The following GABRA1 variants were observed in gnomAD, a reference collection of about 807,000 sequenced individuals.
The protein encoded by GABRA1 is gamma-aminobutyric acid type A receptor subunit alpha1.
Under a neutral mutation model 48.9 loss-of-function variants are expected in GABRA1, and 9 were observed. The observed-to-expected ratio is 0.18, with a 90% CI of 0.11 to 0.32. The LOEUF is 0.32. Ranked by LOEUF, GABRA1 falls within the 10% of genes least tolerant of loss-of-function variation. The probability of loss-of-function intolerance (pLI) is 1.00; values close to 1 mark genes in which losing one functional copy is unlikely to be tolerated. For synonymous variants in GABRA1, 210 were observed against 198.7 expected, an observed-to-expected ratio of 1.06 and a Z score of -0.48; for missense variants, 285 against 553.8, an observed-to-expected ratio of 0.51 and a Z score of 4.87.
chr5:161,848,666 C>T (rs1757313250), intron 1 of GABRA1: 1 of 254,814 alleles, frequency 3.9e-6, no homozygotes, highest in Admixed American at 5.2e-5. Context: ...AATATAAGAG[C>T]ATTATTATTA....
At chr5:161,860,630 AAG>A (rs141908401) in intron 3 of GABRA1, among the ~76,000 whole-genome samples, 8,410 of 151,950 alleles carry the variant, frequency 0.055, 302 homozygotes, top group South Asian at 0.12. Flanking sequence ...AAATAACTAA[AAG>A]AGTATAATTG....
At chr5:161,893,001 T>C (rs1202392659) in intron 8 of GABRA1, among the ~76,000 whole-genome samples, 1 of 77,662 alleles carries the variant, frequency 1.3e-5, no homozygotes, top group Non-Finnish European at 2.6e-5. Flanking sequence ...CGAGACTCCT[T>C]CTCAAAAAAA....
At chr5:161,858,775 C>T (rs1757745585) in intron 3 of GABRA1, among the ~76,000 whole-genome samples, 1 of 151,746 alleles carries the variant, frequency 6.6e-6, no homozygotes, top group African/African-American at 2.4e-5. Flanking sequence ...AAGACCTTTT[C>T]ATCCTCTCTC....
At chr5:161,892,046 C>G (rs534809474) in intron 8 of GABRA1, among the ~76,000 whole-genome samples, 79 of 152,272 alleles carry the variant, frequency 5.2e-4, no homozygotes, top group African/African-American at 1.8e-3. Flanking sequence ...GGAGCCAGGA[C>G]GAAGACCCTA....
At chr5:161,877,816 G>T (rs967297530) in intron 6 of GABRA1, among the ~76,000 whole-genome samples, 68 of 152,088 alleles carry the variant, frequency 4.5e-4, no homozygotes, top group African/African-American at 8.9e-4. Context: ...CCACCTCAGA[G>T]CCATATGCTC....
Position 161,854,235 on chromosome 5 carries a change from A to G in GABRA1, c.152A>G (p.Asp51Gly), listed in dbSNP as rs745932197. ...VFTRILDRLL[D>G]GYDNRLRPGL... ...ACCAGGATTTTGGACAGACTCCTAG[A>G]TGGTTATGACAATCGCCTGAGACCA... Residue 51 changes from aspartate (D) to glycine (G), a missense_variant, in exon 3 of 10, where the codon GAT (aspartate) becomes GGT (glycine). Asp to Gly is a moderately conservative substitution (Grantham distance 94). Transcript: ENST00000393943. The G allele has an allele frequency of 6.2e-7, 1 of 1,606,438 alleles. No individual in the cohort carries two copies. The highest frequency in any genetic ancestry group is 8.5e-7 in the Non-Finnish European group (1 of 1,173,258).
chr5:161,851,905 T>C (rs1757460317), intron 2 of GABRA1, among the ~76,000 whole-genome samples: 1 of 152,134 alleles, frequency 6.6e-6, no homozygotes, highest in African/African-American at 2.4e-5. Flanking sequence ...TAGATGGAGT[T>C]AGTGCACAGT....
chr5:161,897,495 C>A lies in GABRA1; in HGVS notation c.*73C>A. 7.5e-7 allele frequency: 1 copy of A among 1,336,406 alleles called. No homozygotes were observed. Among genetic ancestry groups the A allele is most frequent in the Non-Finnish European group, 1.1e-6 (1 of 933,864 alleles). 82.8% of individuals were successfully genotyped at this position (1,336,406 alleles called of 1,614,324 possible). A position where few individuals can be genotyped will look rare whatever the true frequency, so the allele number is the denominator to read the frequency against. On this transcript the variant is annotated 3_prime_UTR_variant, in exon 10 of 10. Coordinates refer to ENST00000393943, the MANE Select transcript of GABRA1 (RefSeq NM_001127644.2). ...TTTATGTTCTCAACGCAGTAATTCCCATCTGCTTTATTGCCTCTGTCTTAA... is the reference window on the plus strand; with the variant it reads ...TTTATGTTCTCAACGCAGTAATTCCAATCTGCTTTATTGCCTCTGTCTTAA...
intron 3 of GABRA1, among the ~76,000 whole-genome samples, chr5:161,855,734 T>C (rs1046773477): frequency 2.0e-5 from 3 of 151,390 alleles, no homozygotes; most frequent in African/African-American, 7.3e-5. Context: ...AGGCTAGTGA[T>C]ATAAATTTTA....
rs1473605838 is a variant in GABRA1 at position 161,897,250 on chromosome 5, T to C, written c.1199T>C (p.Val400Ala). The C allele has an allele frequency of 1.2e-6, 2 of 1,613,770 alleles. No individual in the cohort carries two copies. Among genetic ancestry groups the C allele is most frequent in the Admixed American group, 3.3e-5 (2 of 59,968 alleles). The change falls in exon 10 of 10, where the codon GTC becomes GCC. Residue 400 changes from valine to alanine, a missense_variant. Around this residue, in one of 6 missense-constraint regions of GABRA1, gnomAD observed 99 missense variants for 94.2 expected, o/e 1.05. Transcript: ENST00000393943. ...AGTGCAACCATAGAACCTAAAGAGG[T>C]CAAGCCCGAAACAAAACCACCAGAA... The part of the protein sequence containing the change: ...AKSATIEPKE[V>A]KPETKPPEPK...
intron 6 of GABRA1, among the ~76,000 whole-genome samples, chr5:161,879,816 C>T (rs1754533497): frequency 6.6e-6 from 1 of 152,054 alleles, no homozygotes; most frequent in Admixed American, 6.6e-5. Flanking sequence ...AATGAGACAC[C>T]AAAATTATAT....
At chr5:161,894,744 GATAGTATTTGGTAA>G (rs1755282394) in intron 8 of GABRA1, among the ~76,000 whole-genome samples, 1 of 152,102 alleles carries the variant, frequency 6.6e-6, no homozygotes, top group Non-Finnish European at 1.5e-5. Flanking sequence ...ATAGTAGGCT[GATAGTATTTGGTAA>G]ATGAACATTA....
chr5:161,896,213 G>T (rs546302456), intron 9 of GABRA1, among the ~76,000 whole-genome samples: 2 of 152,080 alleles, frequency 1.3e-5, no homozygotes, highest in Admixed American at 1.3e-4. Context: ...TACCAAGTGC[G>T]TTATAATTTT....
intron 7 of GABRA1, 68 bp from the exon 8 acceptor site, chr5:161,890,830 G>C: frequency 7.0e-7 from 1 of 1,431,064 alleles, no homozygotes; most frequent in Non-Finnish European, 9.8e-7. Flanking sequence ...GGTACTCATA[G>C]TAAACCTCAG....
intron 7 of GABRA1, among the ~76,000 whole-genome samples, chr5:161,885,800 C>A (rs534058843): frequency 8.6e-4 from 131 of 152,238 alleles, no homozygotes; most frequent in Non-Finnish European, 1.6e-3. Context: ...GAGAAATAGG[C>A]AAACGGGAAA....
chr5:161,873,251 T>G lies in GABRA1; in HGVS notation c.390T>G (p.Asn130Lys). ...KIWTPDTFFHNGKKSVAHNMT... is the reference protein window; with the variant it reads ...KIWTPDTFFHKGKKSVAHNMT... ...GGACTCCGGACACATTTTTCCACAA[T>G]GGAAAGAAGTCAGTGGCCCACAACA... The change falls in exon 5 of 10, where the codon AAT (asparagine) becomes AAG (lysine). Residue 130 changes from asparagine (N) to lysine (K), a missense_variant. Around this residue, in one of 6 missense-constraint regions of GABRA1, gnomAD observed 105 missense variants for 267.4 expected, o/e 0.39. Coordinates refer to ENST00000393943, the MANE Select transcript of GABRA1 (RefSeq NM_001127644.2). 6.2e-7 allele frequency: 1 copy of G among 1,613,926 alleles called. No individual in the cohort carries two copies. Among genetic ancestry groups the G allele is most frequent in the Non-Finnish European group, 8.5e-7 (1 of 1,179,870 alleles).
chr5:161,854,605 T>C (rs1757576797), intron 3 of GABRA1, among the ~76,000 whole-genome samples: 2 of 151,708 alleles, frequency 1.3e-5, no homozygotes, highest in Admixed American at 6.6e-5. Context: ...CTATCTCACC[T>C]GGTACTGGTA....
chr5:161,861,615 A>C, intron 3 of GABRA1, among the ~76,000 whole-genome samples: 1 of 151,856 alleles, frequency 6.6e-6, no homozygotes, highest in East Asian at 1.9e-4. Context: ...AATACAGCCA[A>C]AACTAAGTAG....
intron 3 of GABRA1, among the ~76,000 whole-genome samples, chr5:161,859,252 T>C (rs1757763086): frequency 6.6e-6 from 1 of 151,756 alleles, no homozygotes; most frequent in Non-Finnish European, 1.5e-5. Context: ...GCAGACTTTC[T>C]CCTTACCATC....
Sources: gnomAD v4.1 joint callset for allele counts (sites outside exome capture counted in the v4.1 genomes callset) on GRCh38, gnomAD v4.1.1 for gene constraint, gnomAD v4.1.1 regional missense constraint, MANE v1.5 for transcripts, NCBI Gene and HGNC (gene_info 2026-07-23, HGNC 2026-07-21) for gene names.